TMPRSS9: variants seen among roughly 807,000 people sequenced by gnomAD.
TMPRSS9 encodes the protein transmembrane protease serine 9.
TMPRSS9 carries 113 observed loss-of-function variants against 111.4 expected under a neutral mutation model. That is an observed-to-expected ratio of 1.01 (90% CI 0.87 to 1.19). The LOEUF is 1.19. TMPRSS9 is among the 50% of genes most tolerant of loss of function. TMPRSS9 has a pLI of 0.00. For missense variants in TMPRSS9, 1,803 were observed against 1,513.1 expected, an observed-to-expected ratio of 1.19 and a Z score of -3.18; for synonymous variants, 805 against 659.1, an observed-to-expected ratio of 1.22 and a Z score of -3.39.
At chr19:2,366,641 A>G (rs1241560222) in intron 1 of TMPRSS9, among the ~76,000 whole-genome samples, 1 of 151,378 alleles carries the variant, frequency 6.6e-6, no homozygotes, top group Non-Finnish European at 1.5e-5. Context: ...GCAGATCACA[A>G]GGTCAGGAGA....
upstream of TMPRSS9, among the ~76,000 whole-genome samples, chr19:2,386,462 G>A (rs1016249337): frequency 3.3e-5 from 5 of 149,270 alleles, no homozygotes; most frequent in Admixed American, 6.7e-5. Flanking sequence ...CCGAGATCGC[G>A]CCACTGGACT....
At chr19:2,410,529 C>A in intron 9 of TMPRSS9, 135 bp downstream of exon 10, 1 of 1,252,138 alleles carries the variant, frequency 8.0e-7, no homozygotes, top group Non-Finnish European at 1.1e-6. Context: ...AACACAGACA[C>A]GAGCGTGTTC....
intron 10 of TMPRSS9, among the ~76,000 whole-genome samples, chr19:2,414,838 G>A (rs1451396553): frequency 7.3e-5 from 11 of 149,688 alleles, no homozygotes; most frequent in Non-Finnish European, 1.3e-4. Context: ...TGGTGCCACT[G>A]CACTCCAGCC....
chr19:2,382,043 T>C (rs904251309), intron 1 of TMPRSS9, among the ~76,000 whole-genome samples: 8 of 151,772 alleles, frequency 5.3e-5, no homozygotes, highest in Admixed American at 3.9e-4. Flanking sequence ...GGTTTCACTA[T>C]GTTGTCAGGC....
At chr19:2,402,595 A>G (rs1322384447) in intron 5 of TMPRSS9, among the ~76,000 whole-genome samples, 1 of 151,586 alleles carries the variant, frequency 6.6e-6, no homozygotes, top group African/African-American at 2.4e-5. Context: ...AAAATTAGCC[A>G]GGCGTGGTGG....
chr19:2,418,289 TCCTTTCCTTCCCTC>T lies in TMPRSS9; in HGVS notation c.2154+159_2154+172del, dbSNP rs1568189176. 82 of 695,106 alleles carry T rather than the reference TCCTTTCCTTCCCTC, an allele frequency of 1.2e-4. 5 individuals are homozygous for T. Among genetic ancestry groups the T allele is most frequent in the South Asian group, 1.0e-3 (52 of 49,578 alleles). The allele number at this position is 695,106 out of a possible 1,614,324, so 43.1% of individuals were successfully genotyped here. A position where few individuals can be genotyped will look rare whatever the true frequency, so the allele number is the denominator to read the frequency against. On this transcript the variant is annotated intron_variant, in intron 13 of 17. Transcript: ENST00000648592. ...TTGTCCTTCCCTCCTTTTCCTTTCC[TCCTTTCCTTCCCTC>T]CCTTTCCCTCCCTCCCTCCCTCCCT...
At chr19:2,380,598 C>CAA (rs112276283) in intron 1 of TMPRSS9, among the ~76,000 whole-genome samples, 20 of 110,870 alleles carry the variant, frequency 1.8e-4, no homozygotes, top group Non-Finnish European at 2.8e-4. Context: ...AAGACTCCAC[C>CAA]AAAAAAAAAA....
At chr19:2,368,954 C>CTT (rs35992012) in intron 1 of TMPRSS9, among the ~76,000 whole-genome samples, 304 of 136,116 alleles carry the variant, frequency 2.2e-3, no homozygotes, top group Admixed American at 4.5e-3. Flanking sequence ...CCGGCTAATT[C>CTT]TTTTTTTTTT....
chr19:2,375,853 CTG>C (rs1257748143), intron 1 of TMPRSS9, among the ~76,000 whole-genome samples: 1 of 152,170 alleles, frequency 6.6e-6, no homozygotes, highest in Non-Finnish European at 1.5e-5. Flanking sequence ...CCTGGGGAAA[CTG>C]AGGCCTGGAG....
At chr19:2,406,625 G>A (rs925909969) in intron 7 of TMPRSS9, among the ~76,000 whole-genome samples, 1 of 151,038 alleles carries the variant, frequency 6.6e-6, no homozygotes, top group South Asian at 2.1e-4. Context: ...GTGAGCCACC[G>A]TGCCTGGCCC....
intron 15 of TMPRSS9, among the ~76,000 whole-genome samples, 195 bp from the exon 17 acceptor site, chr19:2,424,807 G>T (rs1971566130): frequency 6.6e-6 from 1 of 152,112 alleles, no homozygotes; most frequent in South Asian, 2.1e-4. Flanking sequence ...CTCATATTAG[G>T]TGGTGACGGC....
rs879716941 is a variant in TMPRSS9 at position 2,374,531 on chromosome 19, G to A, written c.-26+14171G>A. On this transcript the variant is annotated intron_variant, in intron 1 of 17. Coordinates refer to the TMPRSS9 transcript ENST00000649857. ...GGAGGTTGCAGTGAGCCGAGATCGC[G>A]CCACTGCACTCCAGCCTGGAGACAG... is the stretch of plus-strand genomic sequence containing the variant. Among the ~76,000 whole-genome samples, 141 of 151,848 alleles carry A rather than the reference G, an allele frequency of 9.3e-4. 1 individual carries two copies. The highest frequency in any genetic ancestry group is 1.4e-3 in the Non-Finnish European group (98 of 67,916).
At chr19:2,406,741 TG>T (rs1435967878) in intron 7 of TMPRSS9, among the ~76,000 whole-genome samples, 1 of 152,040 alleles carries the variant, frequency 6.6e-6, no homozygotes, top group African/African-American at 2.4e-5. Context: ...GTTGATGTTT[TG>T]CTCATTGTGG....
chr19:2,407,918 G>T (rs1361402616), intron 7 of TMPRSS9, among the ~76,000 whole-genome samples: 1 of 151,826 alleles, frequency 6.6e-6, no homozygotes, highest in African/African-American at 2.4e-5. Context: ...TGAGTGGCTG[G>T]GATTACAGGC....
exon 18 of TMPRSS9, chr19:2,426,134 G>T: frequency 2.0e-6 from 3 of 1,500,592 alleles, no homozygotes; most frequent in South Asian, 1.2e-5. Context: ...AAAGCAACAG[G>T]AGCAGCAGGC....
At chr19:2,363,823 T>C (rs114883707) in intron 1 of TMPRSS9, among the ~76,000 whole-genome samples, 24 of 107,064 alleles carry the variant, frequency 2.2e-4, no homozygotes, top group African/African-American at 8.6e-4. Context: ...CGTGTGTGTG[T>C]GAGAGAGAGA....
intron 7 of TMPRSS9, among the ~76,000 whole-genome samples, chr19:2,407,603 C>CTTTTTCTT (rs5826764): frequency 9.5e-5 from 6 of 63,334 alleles, no homozygotes; most frequent in African/African-American, 3.9e-4. Flanking sequence ...TTTTTCTTTT[C>CTTTTTCTT]TTTTCTTTTT....
chr19:2,373,818 C>T (rs923599939), intron 1 of TMPRSS9, among the ~76,000 whole-genome samples: 7 of 152,198 alleles, frequency 4.6e-5, no homozygotes, highest in Non-Finnish European at 1.0e-4. Flanking sequence ...CTTTCTTTGC[C>T]GTACACGTGG....
chr19:2,409,393 C>G (rs1971049584), intron 8 of TMPRSS9, among the ~76,000 whole-genome samples: 1 of 152,024 alleles, frequency 6.6e-6, no homozygotes, highest in Non-Finnish European at 1.5e-5. Context: ...CTTCCTGCCT[C>G]AGCTTCCCAA....
Sources: allele counts gnomAD v4.1 joint callset (sites outside exome capture counted in the v4.1 genomes callset), GRCh38; gene constraint gnomAD v4.1.1; transcripts MANE v1.5; gene names NCBI Gene and HGNC (gene_info 2026-07-23, HGNC 2026-07-21).